The following DAP variants were observed in gnomAD, a reference collection of about 807,000 sequenced individuals.
DAP encodes the protein death associated protein, also known as death-associated protein 1.
A neutral mutation model predicts 13.8 loss-of-function variants in DAP; 8 were observed. That is an observed-to-expected ratio of 0.58 (90% CI 0.34 to 1.05). DAP has a LOEUF of 1.05. Among genes scored for constraint, DAP ranks in the 50% least tolerant of loss-of-function variants. The pLI, the probability that DAP is intolerant of heterozygous loss-of-function variation, is 0.03. For missense variants in DAP, 106 were observed against 133.2 expected (o/e 0.80, Z 1.01); for synonymous variants, 47 against 47.5 (o/e 0.99, Z 0.04).
At chr5:10,703,596 G>T (rs766531639) in intron 2 of DAP, among the ~76,000 whole-genome samples, 3 of 152,224 alleles carry the variant, frequency 2.0e-5, no homozygotes, top group Non-Finnish European at 4.4e-5. Context: ...GGATCCATAA[G>T]GGATGAATAA....
intron 2 of DAP, among the ~76,000 whole-genome samples, chr5:10,718,396 CCTGA>C (rs1464587661): frequency 6.6e-6 from 1 of 152,170 alleles, no homozygotes; most frequent in Non-Finnish European, 1.5e-5. Context: ...ACATTGACTC[CCTGA>C]CTAATGAGGT....
intron 1 of DAP, among the ~76,000 whole-genome samples, chr5:10,754,130 A>C (rs1740117341): frequency 6.6e-6 from 1 of 152,228 alleles, no homozygotes; most frequent in Non-Finnish European, 1.5e-5. Flanking sequence ...GTGGAGACTC[A>C]CATCTATGGA....
chr5:10,760,226 G>T (rs1277325341), intron 1 of DAP, among the ~76,000 whole-genome samples: 1 of 152,184 alleles, frequency 6.6e-6, no homozygotes, highest in Non-Finnish European at 1.5e-5. Context: ...GAGACCCAAG[G>T]CCTTTGATCT....
intron 2 of DAP, among the ~76,000 whole-genome samples, chr5:10,687,876 A>G (rs1303019779): frequency 7.0e-6 from 1 of 143,194 alleles, no homozygotes; most frequent in Non-Finnish European, 1.5e-5. Context: ...GAGTTGATCT[A>G]TGTTCTATGT....
intron 2 of DAP, among the ~76,000 whole-genome samples, chr5:10,715,222 ACAGTAG>A (rs1455474276): frequency 2.6e-5 from 4 of 152,158 alleles, no homozygotes; most frequent in Non-Finnish European, 4.4e-5. Flanking sequence ...GGTTAAAGAC[ACAGTAG>A]CCTGATGTCC....
intron 2 of DAP, among the ~76,000 whole-genome samples, chr5:10,741,312 T>C (rs1316231264): frequency 6.6e-6 from 1 of 152,142 alleles, no homozygotes; most frequent in Non-Finnish European, 1.5e-5. Flanking sequence ...AGGATTATGC[T>C]ACTGCAATCC....
In DAP at chr5:10,739,625, G is replaced by C. The variant is rs1399129291; in HGVS notation, c.152+8550C>G. On this transcript the variant is annotated intron_variant, in intron 2 of 3. Coordinates refer to ENST00000230895, the MANE Select transcript of DAP (RefSeq NM_004394.3). ...AGAGCCTGCTGAAGTCCAATGGCAG[G>C]GCAGGAAAATAGACACACCTTCCAG... 7.2e-5 allele frequency among the ~76,000 whole-genome samples: 11 copies of C among 152,052 alleles called. No homozygotes were observed. The East Asian group carries it at 2.1e-3, about 29-fold the overall frequency.
intron 2 of DAP, among the ~76,000 whole-genome samples, chr5:10,697,192 C>T (rs1159827255): frequency 6.6e-6 from 1 of 152,158 alleles, no homozygotes; most frequent in East Asian, 1.9e-4. Flanking sequence ...AGGCATTGGA[C>T]ATAGTCCTTT....
chr5:10,687,099 T>A (rs1284023357), intron 2 of DAP, among the ~76,000 whole-genome samples: 1 of 152,222 alleles, frequency 6.6e-6, no homozygotes, highest in East Asian at 1.9e-4. Flanking sequence ...GGCACATTGG[T>A]TTACATCAAG....
At chr5:10,681,365 C>A (rs540551373) in intron 3 of DAP, among the ~76,000 whole-genome samples, 196 bp from the exon 4 acceptor site, 1 of 88,794 alleles carries the variant, frequency 1.1e-5, no homozygotes, top group South Asian at 3.5e-4. Flanking sequence ...AGGCCAGGGC[C>A]CACCAGCGCC....
intron 2 of DAP, among the ~76,000 whole-genome samples, chr5:10,729,225 T>C (rs757268184): frequency 6.6e-5 from 10 of 152,214 alleles, no homozygotes; most frequent in Non-Finnish European, 1.3e-4. Context: ...GAGGTCATGC[T>C]CTGCTGTTCT....
chr5:10,735,032 C>A (rs1221428145), intron 2 of DAP, among the ~76,000 whole-genome samples: 1 of 152,156 alleles, frequency 6.6e-6, no homozygotes, highest in East Asian at 1.9e-4. Flanking sequence ...TGCAACATAC[C>A]CATGACTCCA....
chr5:10,741,362 C>G (rs888908551), intron 2 of DAP, among the ~76,000 whole-genome samples: 70 of 152,234 alleles, frequency 4.6e-4, no homozygotes, highest in African/African-American at 1.6e-3. Flanking sequence ...CAAAAAAAAG[C>G]AGGTGCGGTG....
At chr5:10,744,393 G>A (rs1027660900) in intron 2 of DAP, among the ~76,000 whole-genome samples, 9 of 152,162 alleles carry the variant, frequency 5.9e-5, no homozygotes, top group Non-Finnish European at 1.0e-4. Context: ...AAGTAAGTAG[G>A]CTTTTCCATA....
chr5:10,688,789 G>C (rs2126637087), intron 2 of DAP, among the ~76,000 whole-genome samples: 1 of 152,356 alleles, frequency 6.6e-6, no homozygotes, highest in Middle Eastern at 3.4e-3. Context: ...CAGAGGTGGA[G>C]TGGAACTCCA....
chr5:10,757,971 C>CG (rs1740234509), intron 1 of DAP, among the ~76,000 whole-genome samples: 2 of 152,006 alleles, frequency 1.3e-5, no homozygotes, highest in South Asian at 4.2e-4. Context: ...AAGGGGATTG[C>CG]GGGGAATGTA....
chr5:10,756,649 A>G (rs1740190261), intron 1 of DAP, among the ~76,000 whole-genome samples: 1 of 151,900 alleles, frequency 6.6e-6, no homozygotes, highest in African/African-American at 2.4e-5. Flanking sequence ...ATCATGTAGC[A>G]GATTTATGAG....
chr5:10,755,111 G>T (rs897341249), intron 1 of DAP, among the ~76,000 whole-genome samples: 1 of 152,192 alleles, frequency 6.6e-6, no homozygotes, highest in Non-Finnish European at 1.5e-5. Flanking sequence ...TAATCTCAAG[G>T]GTCTCTGAAT....
chr5:10,758,782 T>G (rs1740263365), intron 1 of DAP, among the ~76,000 whole-genome samples: 1 of 152,230 alleles, frequency 6.6e-6, no homozygotes, highest in Non-Finnish European at 1.5e-5. Flanking sequence ...AAGCTGCCTC[T>G]TCCCTCCTCA....
Sources: allele counts gnomAD v4.1 joint callset (sites outside exome capture counted in the v4.1 genomes callset), GRCh38; gene constraint gnomAD v4.1.1; transcripts MANE v1.5; gene names NCBI Gene and HGNC (gene_info 2026-07-23, HGNC 2026-07-21).